The following ZNF268 variants were observed in gnomAD, a reference collection of about 807,000 sequenced individuals.
ZNF268 encodes the protein zinc finger protein 3.
ZNF268 carries 20 observed loss-of-function variants against 29.3 expected under a neutral mutation model. That is an observed-to-expected ratio of 0.68 (90% CI 0.48 to 0.99). The LOEUF (loss-of-function observed/expected upper bound fraction) is 0.99, where lower values mean the gene tolerates loss of function less well. Among genes scored for constraint, ZNF268 ranks in the 50% least tolerant of loss-of-function variants. The pLI, the probability that ZNF268 is intolerant of heterozygous loss-of-function variation, is 0.00. For missense variants in ZNF268, 1,240 were observed against 1,121.6 expected (o/e 1.11, Z -1.51); for synonymous variants, 429 against 376.9 (o/e 1.14, Z -1.60).
chr12:133,188,499 T>C (rs1362664085), intron 3 of ZNF268, among the ~76,000 whole-genome samples: 3 of 152,192 alleles, frequency 2.0e-5, no homozygotes, highest in African/African-American at 7.2e-5. Flanking sequence ...GCCTGGCCCA[T>C]GGCCCTTTTA....
Position 133,191,941 on chromosome 12 carries a change from A to G in ZNF268, c.395A>G (p.Lys132Arg), listed in dbSNP as rs756427998. 7.4e-6 allele frequency: 12 copies of G among 1,613,978 alleles called. No homozygotes were observed. The African/African-American group carries it at 1.1e-4, about 14-fold the overall frequency. Residue 132 changes from lysine (K) to arginine (R), a missense_variant, in exon 5 of 6, where the codon AAG (lysine) becomes AGG (arginine). Transcript: ENST00000536435. The part of the protein sequence containing the change: ...YQHTKPDIIF[K>R]LEQGEELCMV... Reference sequence around the variant, plus strand: ...CACACCAAACCTGATATCATCTTCAAGTTGGAACAAGGAGAAGAGCTGTGT... The same window carrying G: ...CACACCAAACCTGATATCATCTTCAGGTTGGAACAAGGAGAAGAGCTGTGT...
chr12:133,203,946 T>C lies in ZNF268; in HGVS notation c.2260T>C (p.Cys754Arg), dbSNP rs751251740. 3 of 1,594,352 alleles carry C rather than the reference T, an allele frequency of 1.9e-6. No individual in the cohort carries two copies. Among genetic ancestry groups the C allele is most frequent in the Non-Finnish European group, 1.7e-6 (2 of 1,172,228 alleles). ...TCACACAGGAGAAAATCCCTATGAATGCAGTGAATGTGGGAAAGCCTTTAA... is the reference window on the plus strand; with the variant it reads ...TCACACAGGAGAAAATCCCTATGAACGCAGTGAATGTGGGAAAGCCTTTAA... ...RIHTGENPYE[C>R]SECGKAFNRK... The change falls in exon 6 of 6, where the codon TGC (cysteine) becomes CGC (arginine). Residue 754 changes from cysteine (C) to arginine (R), a missense_variant. Cys to Arg is a radical substitution (Grantham distance 180). Around this residue, in one of 3 missense-constraint regions of ZNF268, gnomAD observed 1,177 missense variants for 1,039.6 expected, o/e 1.13. Transcript: ENST00000536435.
rs748913923 is a variant in ZNF268 at position 133,202,255 on chromosome 12, T to A, written c.569T>A (p.Leu190His). ...ACTACATTTGGAAAACTATGTCTTC[T>A]TAGTACAAAGTATCTTTCAAGACAA... ...ECTTFGKLCL[L>H]STKYLSRQKP... The change falls in exon 6 of 6, where the codon CTT becomes CAT. Residue 190 changes from leucine (L) to histidine (H), a missense_variant. Transcript: ENST00000536435. The A allele has an allele frequency of 6.8e-6, 11 of 1,612,402 alleles. No individual in the cohort carries two copies. The Admixed American group carries it at 1.7e-4, about 25-fold the overall frequency.
At chr12:133,200,203 G>A (rs1956717348) in intron 5 of ZNF268, among the ~76,000 whole-genome samples, 1 of 152,098 alleles carries the variant, frequency 6.6e-6, no homozygotes, top group African/African-American at 2.4e-5. Context: ...CTTTGAATGT[G>A]TCCCAGAGAT....
rs975040331 is a variant in ZNF268 at position 133,213,080 on chromosome 12, C to G, written c.*8550C>G. 7 of 152,190 alleles carry G rather than the reference C, an allele frequency of 4.6e-5. No individual in the cohort carries two copies. The highest frequency in any genetic ancestry group is 1.7e-4 in the African/African-American group (7 of 41,442). The allele number at this position is 152,190 out of a possible 1,614,324, so 9.4% of individuals were successfully genotyped here. A position where few individuals can be genotyped will look rare whatever the true frequency, so the allele number is the denominator to read the frequency against. On this transcript the variant is annotated 3_prime_UTR_variant, in exon 6 of 6. Coordinates refer to ENST00000536435, the MANE Select transcript of ZNF268 (RefSeq NM_003415.3). ...GGCCAGGCCAGGCTAGTCTCAAACT[C>G]CTGTCCTCAAGTGATCCACTTACCT...
At chr12:133,182,467 C>G (rs538611095) in intron 2 of ZNF268, among the ~76,000 whole-genome samples, 1 of 152,112 alleles carries the variant, frequency 6.6e-6, no homozygotes, top group Non-Finnish European at 1.5e-5. Flanking sequence ...CTTATCATCC[C>G]TGTCTTGAAG....
intron 5 of ZNF268, among the ~76,000 whole-genome samples, chr12:133,197,696 C>T (rs1270023849): frequency 2.0e-5 from 3 of 152,180 alleles, no homozygotes; most frequent in Non-Finnish European, 4.4e-5. Context: ...CTCTCCAGCA[C>T]CTGTTGTTTC....
chr12:133,186,963 T>A (rs1157172244), intron 2 of ZNF268, among the ~76,000 whole-genome samples: 2 of 152,130 alleles, frequency 1.3e-5, no homozygotes, highest in East Asian at 1.9e-4. Context: ...TCACTAAGAG[T>A]ATATATTGAT....
At chr12:133,184,184 C>T (rs7309013) in intron 2 of ZNF268, among the ~76,000 whole-genome samples, 51,758 of 151,516 alleles carry the variant, frequency 0.34, 9,218 homozygotes, top group African/African-American at 0.41. Flanking sequence ...TGGCTCACTG[C>T]AACCTCTGCC....
At chr12:133,198,110 A>G (rs1457832476) in intron 5 of ZNF268, among the ~76,000 whole-genome samples, 1 of 151,386 alleles carries the variant, frequency 6.6e-6, no homozygotes, top group Non-Finnish European at 1.5e-5. Context: ...GTCCTTGCCC[A>G]TGCCTATGTC....
chr12:133,185,493 A>AAC (rs1237483490), intron 2 of ZNF268, among the ~76,000 whole-genome samples: 13,517 of 149,416 alleles, frequency 0.09, 4,013 homozygotes, highest in Middle Eastern at 0.12. Flanking sequence ...AGAGCAGATG[A>AAC]ACAGAGGTGC....
chr12:133,189,144 A>G (rs1956398802), intron 3 of ZNF268, among the ~76,000 whole-genome samples: 1 of 151,162 alleles, frequency 6.6e-6, no homozygotes, highest in African/African-American at 2.4e-5. Flanking sequence ...CTACACAGAT[A>G]TTTTAGATTT....
Position 133,203,625 on chromosome 12 carries a change from A to C in ZNF268, c.1939A>C (p.Lys647Gln). Residue 647 changes from lysine (K) to glutamine (Q), a missense_variant, in exon 6 of 6, where the codon AAA becomes CAA. Physicochemically the swap from Lys to Gln is moderately conservative, Grantham distance 53. Coordinates refer to ENST00000536435, the MANE Select transcript of ZNF268 (RefSeq NM_003415.3). ...ACCCTATAGTTGTAATGAATGTGGAAAAGCCTTTACGTTCAAATCACAGCT... is the reference window on the plus strand; with the variant it reads ...ACCCTATAGTTGTAATGAATGTGGACAAGCCTTTACGTTCAAATCACAGCT... Reference protein sequence around the residue: ...EKPYSCNECGKAFTFKSQLIV... With the variant: ...EKPYSCNECGQAFTFKSQLIV... The C allele has an allele frequency of 6.4e-7, 1 of 1,566,880 alleles. No homozygotes were observed. Among genetic ancestry groups the C allele is most frequent in the Non-Finnish European group, 8.6e-7 (1 of 1,159,864 alleles).
chr12:133,208,495 C>CA lies in ZNF268; in HGVS notation c.*3973dup, dbSNP rs914774694. 3.3e-5 allele frequency: 5 copies of CA among 151,166 alleles called. No individual in the cohort carries two copies. The highest frequency in any genetic ancestry group is 2.1e-4 in the South Asian group (1 of 4,768). 9.4% of individuals were successfully genotyped at this position (151,166 alleles called of 1,614,324 possible). On this transcript the variant is annotated 3_prime_UTR_variant, in exon 6 of 6. Transcript: ENST00000536435. ...TGGGCGACAGAACAAGCCTCCATCT[C>CA]AAAAAAAAGATCAGCCAGGTGTAGT...
chr12:133,202,031 C>T (rs1956761785), intron 5 of ZNF268, 113 bp from the exon 6 acceptor site: 2 of 874,036 alleles, frequency 2.3e-6, no homozygotes, highest in Non-Finnish European at 3.3e-6. Context: ...TTCTAGTATA[C>T]CACAATCATG....
rs1023464778 is a variant in ZNF268 at position 133,211,451 on chromosome 12, C to T, written c.*6921C>T. 5.5e-6 allele frequency: 1 copy of T among 181,796 alleles called. No individual in the cohort carries two copies. Among genetic ancestry groups the T allele is most frequent in the Non-Finnish European group, 1.2e-5 (1 of 85,612 alleles). 11.3% of individuals were successfully genotyped at this position (181,796 alleles called of 1,614,324 possible). A position where few individuals can be genotyped will look rare whatever the true frequency, so the allele number is the denominator to read the frequency against. On this transcript the variant is annotated 3_prime_UTR_variant, in exon 6 of 6. Coordinates refer to ENST00000536435, the MANE Select transcript of ZNF268 (RefSeq NM_003415.3). Reference sequence around the variant, plus strand: ...ACAAAATTAGCCAGGCGTGGTGGCGCTACTCTGCCACCAAGTGGTAGCTAC... The same window carrying T: ...ACAAAATTAGCCAGGCGTGGTGGCGTTACTCTGCCACCAAGTGGTAGCTAC...
intron 2 of ZNF268, 24 bp downstream of exon 2, chr12:133,182,054 C>T: frequency 1.3e-6 from 2 of 1,554,378 alleles, no homozygotes; most frequent in Admixed American, 2.0e-5. Context: ...TTCTTTCATT[C>T]TTGAAAAGCT....
Position 133,203,050 on chromosome 12 carries a change from T to TC in ZNF268, c.1365dup (p.Lys456GlnfsTer24), listed in dbSNP as rs1956794124. The stretch of plus-strand genomic sequence containing the variant: ...AGTGATTGTGGAAAAGCCTTTACAT[T>TC]CAAGTCACAGCTCATTGTACATCAG... On this transcript the variant is annotated frameshift_variant, in exon 6 of 6. Transcript: ENST00000536435. LOFTEE classifies it low-confidence loss of function (END_TRUNC). 12 of 1,539,120 alleles carry TC rather than the reference T, an allele frequency of 7.8e-6. No homozygotes were observed. Among genetic ancestry groups the TC allele is most frequent in the Non-Finnish European group, 9.6e-6 (11 of 1,147,674 alleles).
At chr12:133,186,169 G>A (rs1362722631) in intron 2 of ZNF268, among the ~76,000 whole-genome samples, 2 of 152,098 alleles carry the variant, frequency 1.3e-5, no homozygotes, top group Non-Finnish European at 2.9e-5. Context: ...GGTCAATGTA[G>A]AGCCAGGACT....
Sources: allele counts gnomAD v4.1 joint callset (sites outside exome capture counted in the v4.1 genomes callset), GRCh38; gene constraint gnomAD v4.1.1; regional missense constraint gnomAD v4.1.1; transcripts MANE v1.5; gene names NCBI Gene and HGNC (gene_info 2026-07-23, HGNC 2026-07-21).